Variants in KLK13 observed in about 807,000 individuals in gnomAD.
KLK13 encodes the protein kallikrein related peptidase 13.
A neutral mutation model predicts 22.4 loss-of-function variants in KLK13; 19 were observed. That is an observed-to-expected ratio of 0.85 (90% CI 0.59 to 1.24). KLK13 has a LOEUF of 1.24. Ranked by LOEUF, KLK13 falls within the 50% of genes most tolerant of loss-of-function variation. The pLI is 0.00. For synonymous variants in KLK13, 156 were observed against 141.8 expected (o/e 1.10, Z -0.71); for missense variants, 311 against 347.9 (o/e 0.89, Z 0.84).
upstream of KLK13, among the ~76,000 whole-genome samples, chr19:51,065,302 C>T (rs2091772799): frequency 1.3e-5 from 2 of 152,090 alleles, no homozygotes; most frequent in African/African-American, 4.8e-5. Context: ...TCCTGGGGCT[C>T]CGGCGTGCAG....
Position 51,058,961 on chromosome 19 carries a change from G to C in KLK13, c.509-287C>G, listed in dbSNP as rs569972864. Reference sequence around the variant, plus strand: ...GATAAGGAGAGTGGTGGAGCCAGCGGTGGGGAGAGAAAGTTGGAGAGAGGG... The same window carrying C: ...GATAAGGAGAGTGGTGGAGCCAGCGCTGGGGAGAGAAAGTTGGAGAGAGGG... On this transcript the variant is annotated intron_variant, in intron 3 of 4. Coordinates refer to ENST00000595793, the MANE Select transcript of KLK13 (RefSeq NM_015596.3). Among the ~76,000 whole-genome samples, 75 of 152,218 alleles carry C rather than the reference G, an allele frequency of 4.9e-4. No homozygotes were observed. In the South Asian group the frequency reaches 5.0e-3, roughly 10 times the overall value.
chr19:51,056,481 A>T lies in KLK13; in HGVS notation c.*106T>A. ...AGATTGAGCATTTTTCAGGACATGG[A>T]TCACTGGTTCAAATGGAACACTGGG... On this transcript the variant is annotated 3_prime_UTR_variant, in exon 5 of 5. Transcript: ENST00000595793. The T allele has an allele frequency of 8.6e-7, 1 of 1,169,220 alleles. No individual in the cohort carries two copies. The highest frequency in any genetic ancestry group is 1.2e-6 in the Non-Finnish European group (1 of 802,624). 72.4% of individuals were successfully genotyped at this position (1,169,220 alleles called of 1,614,324 possible).
intron 1 of KLK13, among the ~76,000 whole-genome samples, chr19:51,062,379 G>C (rs776431543): frequency 5.3e-5 from 8 of 152,148 alleles, no homozygotes; most frequent in Non-Finnish European, 1.0e-4. Context: ...CATTCTTCCA[G>C]TTGGTCTTCA....
chr19:51,065,004 G>A lies in KLK13; in HGVS notation c.52+12C>T. On this transcript the variant is annotated intron_variant, in intron 1 of 4. Transcript: ENST00000595793. Reference sequence around the variant, plus strand: ...GAATGGCCGCCGCGCCTCCACCCCCGCGCATTCTTACCTCCTGACAAGGCC... The same window carrying A: ...GAATGGCCGCCGCGCCTCCACCCCCACGCATTCTTACCTCCTGACAAGGCC... 6.6e-7 allele frequency: 1 copy of A among 1,506,752 alleles called. No individual in the cohort carries two copies. The highest frequency in any genetic ancestry group is 2.0e-4 in the Middle Eastern group (1 of 5,100). 93.3% of individuals were successfully genotyped at this position (1,506,752 alleles called of 1,614,324 possible).
chr19:51,061,182 CA>C (rs2091727724), intron 1 of KLK13, among the ~76,000 whole-genome samples: 1 of 27,516 alleles, frequency 3.6e-5, no homozygotes, highest in African/African-American at 2.0e-4. Context: ...TCCATTTATT[CA>C]TCCATCCATC....
At chr19:51,063,466 G>A (rs1368232586) in intron 1 of KLK13, 9 of 348,840 alleles carry the variant, frequency 2.6e-5, no homozygotes, top group Non-Finnish European at 5.1e-5. Context: ...TATGGACAGG[G>A]AAAACAACCT....
intron 1 of KLK13, chr19:51,063,524 C>G (rs1272178263): frequency 2.6e-6 from 1 of 381,354 alleles, no homozygotes; most frequent in African/African-American, 2.1e-5. Context: ...GGAGCAGGAG[C>G]CTTCTGTCTT....
chr19:51,063,057 A>G (rs1397014293), intron 1 of KLK13, among the ~76,000 whole-genome samples: 1 of 152,200 alleles, frequency 6.6e-6, no homozygotes, highest in East Asian at 1.9e-4. Context: ...TTTGTCAAGG[A>G]TAAAGTCTCA....
Position 51,060,072 on chromosome 19 carries a change from GC to G in KLK13, c.260del (p.Gly87AlafsTer5). On this transcript the variant is annotated frameshift_variant, in exon 3 of 5. Coordinates refer to ENST00000595793, the MANE Select transcript of KLK13 (RefSeq NM_015596.3). LOFTEE classifies it high-confidence loss of function. ...CTTCCACACGCCCTAGGGCGTGCTT[GC>G]CTAGGTAAACTTTGAGCCCCCTGTG... ...CLKEGLKVYL[G>X]KHALGRVEAG... is the part of the protein sequence containing the mutation. 6.2e-7 allele frequency: 1 copy of G among 1,613,504 alleles called. No individual in the cohort carries two copies. Among genetic ancestry groups the G allele is most frequent in the Non-Finnish European group, 8.5e-7 (1 of 1,179,762 alleles).
intron 2 of KLK13, 37 bp downstream of exon 2, chr19:51,060,396 C>G (rs749061892): frequency 6.5e-7 from 1 of 1,536,958 alleles, no homozygotes; most frequent in Non-Finnish European, 8.8e-7. Flanking sequence ...CAGTCCCATT[C>G]TCATCCCTAC....
intron 1 of KLK13, 68 bp downstream of exon 1, chr19:51,064,948 C>T: frequency 7.2e-7 from 1 of 1,394,146 alleles, no homozygotes; most frequent in South Asian, 1.4e-5. Flanking sequence ...GCCCCCTCCC[C>T]CTCCGGCCTG....
intron 3 of KLK13, 106 bp from the exon 4 acceptor site, chr19:51,058,780 T>G: frequency 9.0e-7 from 1 of 1,112,116 alleles, no homozygotes; most frequent in Non-Finnish European, 1.3e-6. Context: ...AAAATTGAGA[T>G]GGGAAGAGAA....
Position 51,059,813 on chromosome 19 carries a change from G to A in KLK13, c.508+12C>T. 3 of 1,586,726 alleles carry A rather than the reference G, an allele frequency of 1.9e-6. No individual in the cohort carries two copies. The highest frequency in any genetic ancestry group is 2.6e-6 in the Non-Finnish European group (3 of 1,165,428). ...TCCTATGGGGCCTCAGGCCACCTGT[G>A]TGGGTGCATACCCTGGGGGCTGGTG... On this transcript the variant is annotated intron_variant, in intron 3 of 4. Coordinates refer to ENST00000595793, the MANE Select transcript of KLK13 (RefSeq NM_015596.3).
intron 4 of KLK13, 103 bp downstream of exon 4, chr19:51,058,435 T>C (rs1161465011): frequency 6.6e-6 from 9 of 1,356,322 alleles, no homozygotes; most frequent in East Asian, 2.3e-5. Context: ...CTTATAAAGA[T>C]TGGTTCCCCT....
chr19:51,059,753 T>C (rs2091708078), intron 3 of KLK13, 72 bp downstream of exon 3: 2 of 1,311,444 alleles, frequency 1.5e-6, no homozygotes, highest in Non-Finnish European at 2.0e-6. Flanking sequence ...ACCTCAGACC[T>C]TCCCTCCCAT....
At chr19:51,061,445 C>T (rs991243004) in intron 1 of KLK13, among the ~76,000 whole-genome samples, 4 of 152,242 alleles carry the variant, frequency 2.6e-5, no homozygotes, top group Non-Finnish European at 5.9e-5. Flanking sequence ...GCATCTTAAG[C>T]TTTGTATTCC....
In KLK13 at chr19:51,060,102, G is replaced by A. The variant is rs762419190; in HGVS notation, c.240-9C>T. The A allele has an allele frequency of 7.4e-6, 12 of 1,612,566 alleles. No individual in the cohort carries two copies. The South Asian group carries it at 1.3e-4, about 18-fold the overall frequency. On this transcript the variant is annotated splice_polypyrimidine_tract_variant and intron_variant, in intron 2 of 4. Transcript: ENST00000595793. ...GGTAAACTTTGAGCCCCCTGTGGGT[G>A]CAGAAAGAAGGTGGTTAGGAAAGAA...
In KLK13 at chr19:51,065,031, AG is replaced by A; in HGVS notation, c.36del (p.Leu13TrpfsTer42). On this transcript the variant is annotated frameshift_variant, in exon 1 of 5. Coordinates refer to ENST00000595793, the MANE Select transcript of KLK13 (RefSeq NM_015596.3). LOFTEE classifies it high-confidence loss of function. ...WPLALVIASL[T>X]LALSGGVSQE... is the part of the protein sequence containing the mutation. ...GCATTCTTACCTCCTGACAAGGCCAAGGTCAGGGAGGCGATCACTAGGGCCA... is the reference window on the plus strand; with the variant it reads ...GCATTCTTACCTCCTGACAAGGCCAAGTCAGGGAGGCGATCACTAGGGCCA... The A allele has an allele frequency of 7.4e-7, 1 of 1,355,320 alleles. No homozygotes were observed. The allele number at this position is 1,355,320 out of a possible 1,614,324, so 84.0% of individuals were successfully genotyped here.
At chr19:51,061,734 T>A (rs956330588) in intron 1 of KLK13, among the ~76,000 whole-genome samples, 2 of 152,220 alleles carry the variant, frequency 1.3e-5, no homozygotes, top group Admixed American at 1.3e-4. Context: ...CTGAGGACTC[T>A]TCAAACAAAG....
Sources: gnomAD v4.1 joint callset for allele counts (sites outside exome capture counted in the v4.1 genomes callset) on GRCh38, gnomAD v4.1.1 for gene constraint, MANE v1.5 for transcripts, NCBI Gene and HGNC (gene_info 2026-07-23, HGNC 2026-07-21) for gene names.